Variants in DSE observed in about 807,000 individuals in gnomAD.
DSE encodes dermatan-sulfate epimerase.
DSE carries 36 observed loss-of-function variants against 84.4 expected under a neutral mutation model. The observed-to-expected ratio is 0.43, with a 90% confidence interval of 0.33 to 0.56. The LOEUF (loss-of-function observed/expected upper bound fraction) is 0.56, where lower values mean the gene tolerates loss of function less well. DSE is among the 20% of genes least tolerant of loss of function. The probability of loss-of-function intolerance (pLI) is 0.06; values close to 1 mark genes in which losing one functional copy is unlikely to be tolerated. For missense variants in DSE, 862 were observed against 1,169.6 expected (o/e 0.74, Z 3.84); for synonymous variants, 410 against 430.1 (o/e 0.95, Z 0.58).
Position 116,399,186 on chromosome 6 carries a change from T to C in DSE, c.-53-12T>C. ...GCTGACAGACACTTTTTTTCCTTTTTATCTCACGTAGGATCTTTCGAAGAT... is the reference window on the plus strand; with the variant it reads ...GCTGACAGACACTTTTTTTCCTTTTCATCTCACGTAGGATCTTTCGAAGAT... On this transcript the variant is annotated splice_polypyrimidine_tract_variant and intron_variant, in intron 1 of 5. Transcript: ENST00000644252. The C allele has an allele frequency of 6.2e-7, 1 of 1,601,556 alleles. No homozygotes were observed. The highest frequency in any genetic ancestry group is 1.1e-5 in the South Asian group (1 of 90,630).
At chr6:116,259,982 TATATTCCTTTGGGTAA>T (rs968942630) in intron 2 of DSE, among the ~76,000 whole-genome samples, 1 of 152,214 alleles carries the variant, frequency 6.6e-6, no homozygotes, top group Non-Finnish European at 1.5e-5. Flanking sequence ...TAGAATGACT[TATATTCCTTTGGGTAA>T]ATACCTATTA....
chr6:116,320,236 G>C (rs1000601646), intron 2 of DSE, among the ~76,000 whole-genome samples: 5 of 152,142 alleles, frequency 3.3e-5, no homozygotes, highest in Admixed American at 1.3e-4. Context: ...GTAGCCAGAT[G>C]CCTCCTAGGT....
At chr6:116,379,128 G>T (rs555107182) in intron 1 of DSE, among the ~76,000 whole-genome samples, 133 of 152,142 alleles carry the variant, frequency 8.7e-4, no homozygotes, top group African/African-American at 3.2e-3. Context: ...TCAATATCAA[G>T]ATTAGGCTTA....
At chr6:116,285,894 A>G (rs1460696161) in intron 2 of DSE, among the ~76,000 whole-genome samples, 3 of 152,156 alleles carry the variant, frequency 2.0e-5, no homozygotes, top group African/African-American at 7.2e-5. Context: ...CTGTTTTGGT[A>G]CCAGTACCAT....
intron 2 of DSE, among the ~76,000 whole-genome samples, chr6:116,421,314 T>G (rs1783055823): frequency 6.6e-6 from 1 of 151,424 alleles, no homozygotes; most frequent in Non-Finnish European, 1.5e-5. Context: ...TCTATCAAAG[T>G]TTACCATATT....
chr6:116,325,298 T>C (rs1280690987), intron 2 of DSE, among the ~76,000 whole-genome samples: 2 of 152,232 alleles, frequency 1.3e-5, no homozygotes, highest in Non-Finnish European at 2.9e-5. Flanking sequence ...GGTGAAACCA[T>C]GCATGATTTT....
intron 2 of DSE, among the ~76,000 whole-genome samples, chr6:116,349,385 G>A (rs1054536270): frequency 6.6e-6 from 1 of 152,136 alleles, no homozygotes; most frequent in Non-Finnish European, 1.5e-5. Context: ...TCAGAGTTCA[G>A]GTGCTTTCAA....
chr6:116,386,737 A>G (rs1391184632), intron 1 of DSE, among the ~76,000 whole-genome samples: 1 of 152,152 alleles, frequency 6.6e-6, no homozygotes, highest in Non-Finnish European at 1.5e-5. Context: ...AGTGTATAAA[A>G]ACCTCTTTAT....
intron 2 of DSE, chr6:116,259,151 C>T (rs1449599111): frequency 1.6e-5 from 17 of 1,055,518 alleles, no homozygotes; most frequent in South Asian, 9.4e-5. Flanking sequence ...TGTTGCTCGA[C>T]GTAGACCATG....
Position 116,436,085 on chromosome 6 carries a change from A to G in DSE, c.1617A>G (p.Gly539=). The G allele has an allele frequency of 1.2e-6, 2 of 1,613,438 alleles. No homozygotes were observed. The highest frequency in any genetic ancestry group is 1.7e-6 in the Non-Finnish European group (2 of 1,180,008). The change falls in exon 6 of 6, where the codon GGA becomes GGG. Residue 539 remains glycine, a synonymous_variant. Coordinates refer to ENST00000644252, the MANE Select transcript of DSE (RefSeq NM_013352.4). ...AAAATGGGGTGGTTTTCATCCGAGGAGAAGGTGTGGGAGCTTATAACCCCC... is the reference window on the plus strand; with the variant it reads ...AAAATGGGGTGGTTTTCATCCGAGGGGAAGGTGTGGGAGCTTATAACCCCC... ...EEKNGVVFIR[G]EGVGAYNPQL... is the part of the protein sequence containing the mutation.
chr6:116,436,829 G>A lies in DSE; in HGVS notation c.2361G>A (p.Glu787=). 1.2e-6 allele frequency: 2 copies of A among 1,614,164 alleles called. No individual in the cohort carries two copies. The highest frequency in any genetic ancestry group is 2.2e-5 in the South Asian group (2 of 91,076). ...GATTTTCAGATAAGAGACAGACTGAGGAGGCCATTGACAGGATTTTTGCCA... is the reference window on the plus strand; with the variant it reads ...GATTTTCAGATAAGAGACAGACTGAAGAGGCCATTGACAGGATTTTTGCCA... ...LLRFSDKRQT[E]EAIDRIFAIS... The change falls in exon 6 of 6, where the codon GAG becomes GAA. Residue 787 remains glutamate (E), a synonymous_variant. Coordinates refer to ENST00000644252, the MANE Select transcript of DSE (RefSeq NM_013352.4).
chr6:116,291,780 G>C (rs1251820744), intron 2 of DSE, among the ~76,000 whole-genome samples: 1 of 152,064 alleles, frequency 6.6e-6, no homozygotes, highest in Admixed American at 6.6e-5. Flanking sequence ...GGTAGATGAG[G>C]ATATCTTTAG....
upstream of DSE, among the ~76,000 whole-genome samples, chr6:116,367,694 A>T (rs1235904682): frequency 6.6e-6 from 1 of 152,228 alleles, no homozygotes; most frequent in Non-Finnish European, 1.5e-5. Flanking sequence ...ATTAAATGTA[A>T]GGGATAAAAT....
chr6:116,267,428 A>G (rs530768664), intron 2 of DSE, among the ~76,000 whole-genome samples: 3 of 149,556 alleles, frequency 2.0e-5, no homozygotes, highest in African/African-American at 5.1e-5. Flanking sequence ...TTTTAACAAA[A>G]AAGTTTAAAA....
chr6:116,366,773 A>G (rs1779186497), upstream of DSE: 1 of 152,210 alleles, frequency 6.6e-6, no homozygotes, highest in African/African-American at 2.4e-5. Context: ...TGTGGTCTGA[A>G]CCATTTATGG....
At chr6:116,275,699 C>T (rs530072824) in intron 2 of DSE, among the ~76,000 whole-genome samples, 2 of 151,648 alleles carry the variant, frequency 1.3e-5, no homozygotes, top group South Asian at 2.1e-4. Flanking sequence ...ACTCGGGAGG[C>T]TGATGCTGGA....
At position 116,443,243 on chromosome 6, in the gene DSE, G is replaced by C. The variant is rs1017774733; in HGVS notation, c.*5898G>C. The C allele has an allele frequency of 2.6e-5, 4 of 152,184 alleles. No homozygotes were observed. Among genetic ancestry groups the C allele is most frequent in the African/African-American group, 9.7e-5 (4 of 41,438 alleles). 9.4% of individuals were successfully genotyped at this position (152,184 alleles called of 1,614,324 possible). A position where few individuals can be genotyped will look rare whatever the true frequency, so the allele number is the denominator to read the frequency against. ...GGAATGAATATTTTGTGGAAGTATT[G>C]ATCAGAAAGATAATGAGTCAAGGAT... On this transcript the variant is annotated 3_prime_UTR_variant, in exon 6 of 6. Transcript: ENST00000644252.
intron 2 of DSE, among the ~76,000 whole-genome samples, chr6:116,329,592 C>G (rs1012231863): frequency 3.9e-5 from 6 of 152,172 alleles, no homozygotes; most frequent in Non-Finnish European, 7.3e-5. Context: ...GATTTCATCA[C>G]TATTTCCATA....
chr6:116,371,108 C>T lies in DSE; in HGVS notation c.-67C>T. ...GAGGCGACGCCGGAGAGAACGAAGC[C>T]TCGGCTGGGAGCGGTAAGTGGAGGG... On this transcript the variant is annotated 5_prime_UTR_variant, in exon 1 of 6. Transcript: ENST00000644252. The T allele has an allele frequency of 2.0e-6, 2 of 986,270 alleles. No homozygotes were observed. The highest frequency in any genetic ancestry group is 2.4e-6 in the Non-Finnish European group (2 of 830,646). The allele number at this position is 986,270 out of a possible 1,614,324, so 61.1% of individuals were successfully genotyped here. A position where few individuals can be genotyped will look rare whatever the true frequency, so the allele number is the denominator to read the frequency against.
Sources: allele counts gnomAD v4.1 joint callset (sites outside exome capture counted in the v4.1 genomes callset), GRCh38; gene constraint gnomAD v4.1.1; transcripts MANE v1.5; gene names NCBI Gene and HGNC (gene_info 2026-07-23, HGNC 2026-07-21).